AFF3: variants seen among roughly 807,000 people sequenced by gnomAD.
The protein encoded by AFF3 is ALF transcription elongation factor 3.
In AFF3, 32 loss-of-function variants were observed where a neutral mutation model predicts 129.7. That is an observed-to-expected ratio of 0.25 (90% CI 0.19 to 0.33). The LOEUF (loss-of-function observed/expected upper bound fraction) is 0.33. Ranked by LOEUF, AFF3 falls within the 10% of genes least tolerant of loss-of-function variation. AFF3 has a pLI of 1.00. For synonymous variants in AFF3, 644 were observed against 635.4 expected (o/e 1.01, Z -0.20); for missense variants, 1,373 against 1,592.0 (o/e 0.86, Z 2.34).
chr2:99,985,040 C>T (rs73964395), intron 7 of AFF3, among the ~76,000 whole-genome samples: 4,347 of 152,226 alleles, frequency 0.029, 126 homozygotes, highest in African/African-American at 0.071. Flanking sequence ...CAGCTGCTCT[C>T]GTAATTAAGA....
chr2:99,606,317 G>C (rs1247379758), intron 13 of AFF3, among the ~76,000 whole-genome samples: 1 of 152,152 alleles, frequency 6.6e-6, no homozygotes, highest in Non-Finnish European at 1.5e-5. Flanking sequence ...CGGATTGGTT[G>C]ACATGATGAC....
At chr2:99,704,631 G>A (rs1248234372) in intron 11 of AFF3, among the ~76,000 whole-genome samples, 1 of 152,190 alleles carries the variant, frequency 6.6e-6, no homozygotes, top group African/African-American at 2.4e-5. Context: ...GCTCAGCTGG[G>A]TCAGAACAGT....
intron 7 of AFF3, among the ~76,000 whole-genome samples, chr2:99,927,598 G>A (rs1327178591): frequency 1.3e-5 from 2 of 152,066 alleles, no homozygotes; most frequent in Admixed American, 6.6e-5. Flanking sequence ...GCAGAAGAAG[G>A]GAGGGGATCA....
chr2:99,875,521 C>T (rs1692223834), intron 7 of AFF3, among the ~76,000 whole-genome samples: 1 of 152,160 alleles, frequency 6.6e-6, no homozygotes, highest in South Asian at 2.1e-4. Flanking sequence ...TTTTTGGTCG[C>T]TACCACTTGT....
intron 7 of AFF3, among the ~76,000 whole-genome samples, chr2:99,856,273 T>C (rs1286324004): frequency 1.3e-5 from 2 of 152,188 alleles, no homozygotes; most frequent in Admixed American, 6.5e-5. Context: ...GTTAACAATA[T>C]GATTTAAACA....
chr2:99,765,691 A>T (rs1378226403), intron 8 of AFF3, among the ~76,000 whole-genome samples: 3 of 152,226 alleles, frequency 2.0e-5, no homozygotes, highest in African/African-American at 4.8e-5. Flanking sequence ...ACTAGTGTTG[A>T]CAGCTTCTGG....
rs531040158 is a variant in AFF3 at position 99,953,829 on chromosome 2, C to A, written c.873+52803G>T. ...CGGTGAGGGATGGTGTGGGAAGAAC[C>A]CAAGTGGGAAGCTGGGCTTCCACTG... is the stretch of plus-strand genomic sequence containing the variant. On this transcript the variant is annotated intron_variant, in intron 7 of 24. Coordinates refer to ENST00000672756, the MANE Select transcript of AFF3 (RefSeq NM_001386135.1). Among the ~76,000 whole-genome samples the A allele has an allele frequency of 1.6e-4, 24 of 152,282 alleles. No individual in the cohort carries two copies. In the South Asian group the frequency reaches 4.8e-3, roughly 30 times the overall value.
chr2:99,930,694 T>C (rs1696607388), intron 7 of AFF3, among the ~76,000 whole-genome samples: 1 of 152,114 alleles, frequency 6.6e-6, no homozygotes, highest in South Asian at 2.1e-4. Context: ...GCTATGCAGA[T>C]GGGGGGAGGG....
At position 99,590,667 on chromosome 2, in the gene AFF3, G is replaced by A. The variant is rs377377360; in HGVS notation, c.2466+2528C>T. Reference sequence around the variant, plus strand: ...CTGCCGGCTAATAATGGCCAGTGCTGGGTGGAAACTATGTTGGGGCCTCTT... The same window carrying A: ...CTGCCGGCTAATAATGGCCAGTGCTAGGTGGAAACTATGTTGGGGCCTCTT... On this transcript the variant is annotated intron_variant, in intron 15 of 24. Transcript: ENST00000672756. Among the ~76,000 whole-genome samples, 592 of 152,288 alleles carry A rather than the reference G, an allele frequency of 3.9e-3. 2 individuals are homozygous for A. The highest frequency in any genetic ancestry group is 6.5e-3 in the Non-Finnish European group (439 of 68,024).
At chr2:99,880,327 G>A (rs1041621036) in intron 7 of AFF3, among the ~76,000 whole-genome samples, 5 of 152,290 alleles carry the variant, frequency 3.3e-5, no homozygotes, top group Admixed American at 2.6e-4. Flanking sequence ...TGTGTTCTGG[G>A]GCTGGCTGTG....
chr2:99,957,408 C>T (rs1438222203), intron 7 of AFF3, among the ~76,000 whole-genome samples: 1 of 152,074 alleles, frequency 6.6e-6, no homozygotes, highest in Non-Finnish European at 1.5e-5. Context: ...TTAAATGAAC[C>T]TCCACAGCCT....
At chr2:100,107,547 GCTT>G in intron 2 of AFF3, 1 of 975,118 alleles carries the variant, frequency 1.0e-6, no homozygotes. Flanking sequence ...ATCCTATAGT[GCTT>G]GTGACCTGAG....
rs752792672 is a variant in AFF3 at position 100,008,855 on chromosome 2, C to T, written c.131G>A (p.Gly44Asp). 2 of 1,614,010 alleles carry T rather than the reference C, an allele frequency of 1.2e-6. No homozygotes were observed. Among genetic ancestry groups the T allele is most frequent in the Non-Finnish European group, 1.7e-6 (2 of 1,179,928 alleles). The change falls in exon 5 of 25, where the codon GGC (glycine) becomes GAC (aspartate). Residue 44 changes from glycine to aspartate, a missense_variant. By Grantham distance (94) the Gly-to-Asp change is moderately conservative. This residue lies in a region of AFF3 where 255 missense variants were observed against 256.0 expected (regional missense o/e 1.00). Coordinates refer to ENST00000672756, the MANE Select transcript of AFF3 (RefSeq NM_001386135.1). Reference protein sequence around the residue: ...RRNQETQQDDGTFNSSYSLFS... With the variant: ...RRNQETQQDDDTFNSSYSLFS... ...GAGAGAGTAACTAGAATTAAACGTG[C>T]CATCATCCTGTTGAGTTTCTTGATT...
intron 4 of AFF3, among the ~76,000 whole-genome samples, chr2:100,062,760 T>C (rs1687393786): frequency 6.6e-6 from 1 of 152,106 alleles, no homozygotes; most frequent in Non-Finnish European, 1.5e-5. Context: ...ATCAACCAAA[T>C]ATGAGCTAGC....
In AFF3 at chr2:99,578,406, G is replaced by A. The variant is rs756186388; in HGVS notation, c.2839C>T (p.Arg947Trp). 38 of 1,611,376 alleles carry A rather than the reference G, an allele frequency of 2.4e-5. No individual in the cohort carries two copies. Among genetic ancestry groups the A allele is most frequent in the South Asian group, 6.6e-5 (6 of 90,320 alleles). Residue 947 changes from arginine to tryptophan, a missense_variant, in exon 18 of 25, where the codon CGG (arginine) becomes TGG (tryptophan). Physicochemically the swap from Arg to Trp is moderately radical, Grantham distance 101. This residue lies in a region of AFF3 where 466 missense variants were observed against 505.0 expected (regional missense o/e 0.92). Transcript: ENST00000672756. ...GGAGACCACGGCTTCGTCTGCGGCC[G>A]TGACTTGTGGAGGGGAATGTTTTCA... Reference protein sequence around the residue: ...NSENIPLHKSRPQTKPWSPGS... With the variant: ...NSENIPLHKSWPQTKPWSPGS...
At chr2:99,606,747 T>C in intron 13 of AFF3, among the ~76,000 whole-genome samples, 1 of 151,802 alleles carries the variant, frequency 6.6e-6, no homozygotes, top group Non-Finnish European at 1.5e-5. Context: ...ACCCCGTCTC[T>C]ACTAAAAATA....
At chr2:99,675,279 G>A (rs563847686) in intron 11 of AFF3, among the ~76,000 whole-genome samples, 8 of 152,222 alleles carry the variant, frequency 5.3e-5, no homozygotes, top group South Asian at 2.1e-4. Context: ...AGAATATTTC[G>A]AAATATGAGA....
intron 11 of AFF3, among the ~76,000 whole-genome samples, chr2:99,716,697 A>G (rs924463760): frequency 2.0e-5 from 3 of 152,056 alleles, no homozygotes; most frequent in East Asian, 3.9e-4. Flanking sequence ...CCTGGCCAAC[A>G]TGGTGAAACC....
At chr2:99,953,183 T>G (rs1676324035) in intron 7 of AFF3, among the ~76,000 whole-genome samples, 1 of 152,154 alleles carries the variant, frequency 6.6e-6, no homozygotes, top group Admixed American at 6.5e-5. Context: ...ATCCTCACAT[T>G]CACAAGCTGT....
Sources: gnomAD v4.1 joint callset for allele counts (sites outside exome capture counted in the v4.1 genomes callset) on GRCh38, gnomAD v4.1.1 for gene constraint, gnomAD v4.1.1 regional missense constraint, MANE v1.5 for transcripts, NCBI Gene and HGNC (gene_info 2026-07-23, HGNC 2026-07-21) for gene names.